Variants in LRPPRC observed in about 807,000 individuals in gnomAD.
LRPPRC encodes the protein leucine rich pentatricopeptide repeat containing, also known as leucine-rich PPR motif-containing protein, mitochondrial.
LRPPRC carries 120 observed loss-of-function variants against 180.3 expected under a neutral mutation model. The ratio of observed to expected loss-of-function variants is 0.67; its 90% CI spans 0.57 to 0.77. LRPPRC has a LOEUF of 0.77. Ranked by LOEUF, LRPPRC falls within the 30% of genes least tolerant of loss-of-function variation. The pLI, the probability that LRPPRC is intolerant of heterozygous loss-of-function variation, is 0.00. For missense variants in LRPPRC, 2,012 were observed against 1,657.2 expected (o/e 1.21, Z -3.72); for synonymous variants, 723 against 600.0 (o/e 1.21, Z -3.00).
intron 1 of LRPPRC, among the ~76,000 whole-genome samples, chr2:43,992,357 G>A (rs1375045880): frequency 6.6e-6 from 1 of 152,202 alleles, no homozygotes; most frequent in Non-Finnish European, 1.5e-5. Flanking sequence ...AGGCAATCAT[G>A]CTCACTAGAG....
intron 34 of LRPPRC, among the ~76,000 whole-genome samples, chr2:43,898,499 T>A (rs575333374): frequency 2.0e-5 from 3 of 152,266 alleles, no homozygotes; most frequent in African/African-American, 7.2e-5. Context: ...GGGAAGGGGC[T>A]CCCCGGCGGT....
At chr2:43,943,965 A>G (rs1027730204) in intron 22 of LRPPRC, 71 bp from the exon 23 acceptor site, 21 of 1,062,560 alleles carry the variant, frequency 2.0e-5, no homozygotes, top group Non-Finnish European at 2.9e-5. Context: ...TTAAAACAGC[A>G]TTTCAAGCCC....
intron 23 of LRPPRC, among the ~76,000 whole-genome samples, chr2:43,935,845 G>A (rs1464292563): frequency 6.6e-6 from 1 of 152,218 alleles, no homozygotes; most frequent in Non-Finnish European, 1.5e-5. Context: ...AGGTGCGGTG[G>A]CTCATGCCTG....
intron 1 of LRPPRC, among the ~76,000 whole-genome samples, chr2:43,989,009 G>C (rs1041411573): frequency 6.6e-6 from 1 of 152,104 alleles, no homozygotes; most frequent in Non-Finnish European, 1.5e-5. Flanking sequence ...CAAGTAGCTA[G>C]GACTACAGGT....
At chr2:43,967,219 G>A (rs1211196599) in intron 11 of LRPPRC, among the ~76,000 whole-genome samples, 2 of 152,096 alleles carry the variant, frequency 1.3e-5, no homozygotes, top group Non-Finnish European at 2.9e-5. Flanking sequence ...GGCAACACAA[G>A]GAGACCCCTG....
chr2:43,927,085 A>G (rs1282679534), intron 25 of LRPPRC, among the ~76,000 whole-genome samples: 1 of 152,200 alleles, frequency 6.6e-6, no homozygotes, highest in Non-Finnish European at 1.5e-5. Context: ...TTGTCACTCT[A>G]TAGTATTTTC....
chr2:43,906,114 G>A (rs1671059447), intron 30 of LRPPRC, among the ~76,000 whole-genome samples: 3 of 151,902 alleles, frequency 2.0e-5, no homozygotes, highest in Admixed American at 2.0e-4. Flanking sequence ...CATATCCTAA[G>A]CTGGATACTT....
chr2:43,923,771 A>G (rs1008356076), intron 27 of LRPPRC, among the ~76,000 whole-genome samples: 1 of 151,826 alleles, frequency 6.6e-6, no homozygotes, highest in African/African-American at 2.4e-5. Context: ...ATAATAAGAC[A>G]TATTTAGACA....
In LRPPRC at chr2:43,943,830, C is replaced by A; in HGVS notation, c.2361G>T (p.Leu787Phe). The A allele has an allele frequency of 6.2e-7, 1 of 1,613,362 alleles. No individual in the cohort carries two copies. ...CGCCATTTAGCATGTGGAAAAAGGA[C>A]AAGGCTGTTGTATCTTTGATAAGAA... ...KDVLIKDTTA[L>F]SFFHMLNGAA... Residue 787 changes from leucine to phenylalanine, a missense_variant, in exon 23 of 38, where the codon TTG becomes TTT. Leu to Phe is a conservative substitution (Grantham distance 22, BLOSUM62 0). Transcript: ENST00000260665.
At chr2:43,919,566 T>C (rs111348630) in intron 27 of LRPPRC, among the ~76,000 whole-genome samples, 42 of 152,306 alleles carry the variant, frequency 2.8e-4, no homozygotes, top group African/African-American at 9.1e-4. Flanking sequence ...GATCCCTTCA[T>C]ATTGAAAAGC....
chr2:43,966,557 C>T (rs757936499), intron 11 of LRPPRC, among the ~76,000 whole-genome samples: 5 of 151,678 alleles, frequency 3.3e-5, no homozygotes, highest in Non-Finnish European at 7.4e-5. Context: ...ACTACAGGCG[C>T]ACGCCACCAC....
At chr2:43,935,979 G>C (rs1298357527) in intron 23 of LRPPRC, among the ~76,000 whole-genome samples, 1 of 152,008 alleles carries the variant, frequency 6.6e-6, no homozygotes, top group African/African-American at 2.4e-5. Context: ...GCTACTCGGG[G>C]GGCTGAGGAG....
intron 25 of LRPPRC, among the ~76,000 whole-genome samples, chr2:43,927,203 T>C (rs1671910813): frequency 6.6e-6 from 1 of 152,240 alleles, no homozygotes; most frequent in Non-Finnish European, 1.5e-5. Context: ...AGAGGAGGTA[T>C]CTTTACTGCT....
chr2:43,934,758 C>T lies in LRPPRC; in HGVS notation c.2625G>A (p.Gln875=). The change falls in exon 24 of 38, where the codon CAG becomes CAA. Residue 875 remains glutamine (Q), a synonymous_variant. Transcript: ENST00000260665. ...AGATACTAGAAAGTGACTCACCTTT[C>T]TGAATTAGATCAGTCTCGCCTTTCT... The part of the protein sequence containing the change: ...LVEKGETDLI[Q]KAMDFVSQEQ... The T allele has an allele frequency of 6.2e-7, 1 of 1,612,656 alleles. No homozygotes were observed. Among genetic ancestry groups the T allele is most frequent in the Middle Eastern group, 1.7e-4 (1 of 6,056 alleles).
chr2:43,995,441 C>T (rs1211825689), intron 1 of LRPPRC, among the ~76,000 whole-genome samples: 1 of 152,208 alleles, frequency 6.6e-6, no homozygotes, highest in Middle Eastern at 3.2e-3. Context: ...TGGGACACCA[C>T]CCAAGCTGGC....
intron 25 of LRPPRC, among the ~76,000 whole-genome samples, chr2:43,932,214 AAAAACAAACAAAC>A (rs1458401636): frequency 1.3e-5 from 2 of 151,190 alleles, no homozygotes; most frequent in Non-Finnish European, 2.9e-5. Context: ...AATTCATCTT[AAAAACAAACAAAC>A]AAAAAAACAG....
Position 43,888,016 on chromosome 2 carries a change from G to A in LRPPRC, c.*584C>T, listed in dbSNP as rs1017303142. The A allele has an allele frequency of 1.3e-5, 2 of 153,902 alleles. No individual in the cohort carries two copies. The highest frequency in any genetic ancestry group is 4.8e-5 in the African/African-American group (2 of 41,460). 9.5% of individuals were successfully genotyped at this position (153,902 alleles called of 1,614,324 possible). Reference sequence around the variant, plus strand: ...GGGAAAGATGGGGAAGTGTGCCGAAGAGCCTCCAGGCATGACAGACAGTCC... The same window carrying A: ...GGGAAAGATGGGGAAGTGTGCCGAAAAGCCTCCAGGCATGACAGACAGTCC... On this transcript the variant is annotated 3_prime_UTR_variant, in exon 38 of 38. Coordinates refer to ENST00000260665, the MANE Select transcript of LRPPRC (RefSeq NM_133259.4).
intron 36 of LRPPRC, among the ~76,000 whole-genome samples, chr2:43,893,726 G>C (rs530244923): frequency 6.6e-6 from 1 of 152,282 alleles, no homozygotes; most frequent in South Asian, 2.1e-4. Flanking sequence ...AGGTATGCCT[G>C]TGTTTAGTTA....
At chr2:43,963,448 A>C in intron 12 of LRPPRC, 140 bp downstream of exon 12, 2 of 693,716 alleles carry the variant, frequency 2.9e-6, no homozygotes, top group South Asian at 3.2e-5. Flanking sequence ...CCATCTCAAA[A>C]AAAAGAAAAA....
Sources: gnomAD v4.1 joint callset for allele counts (sites outside exome capture counted in the v4.1 genomes callset) on GRCh38, gnomAD v4.1.1 for gene constraint, MANE v1.5 for transcripts, NCBI Gene and HGNC (gene_info 2026-07-23, HGNC 2026-07-21) for gene names.